Variants in SMIM7 observed in about 807,000 individuals in gnomAD.
SMIM7 encodes small integral membrane protein 7.
A neutral mutation model predicts 13.3 loss-of-function variants in SMIM7; 12 were observed. The observed-to-expected ratio is 0.90, with a 90% CI of 0.58 to 1.46. The LOEUF (loss-of-function observed/expected upper bound fraction) is 1.46, where lower values mean the gene tolerates loss of function less well. SMIM7 is among the 40% of genes most tolerant of loss of function. SMIM7 has a pLI of 0.00. For missense variants in SMIM7, 114 were observed against 94.8 expected (o/e 1.20, Z -0.84); for synonymous variants, 36 against 35.8 (o/e 1.01, Z -0.02).
downstream of SMIM7, among the ~76,000 whole-genome samples, chr19:16,641,737 T>C (rs545864173): frequency 4.9e-4 from 74 of 152,306 alleles, no homozygotes; most frequent in African/African-American, 1.7e-3. Context: ...TAGCTTGGAC[T>C]ATAAGCGTGC....
At chr19:16,643,696 C>T (rs538204343), downstream of SMIM7, among the ~76,000 whole-genome samples, 2 of 152,156 alleles carry the variant, frequency 1.3e-5, no homozygotes, top group South Asian at 4.2e-4. Context: ...CGTACCAGGC[C>T]TAAAAAATTT....
At chr19:16,655,076 T>C (rs78780600) in intron 3 of SMIM7, among the ~76,000 whole-genome samples, 12,503 of 152,140 alleles carry the variant, frequency 0.082, 770 homozygotes, top group African/African-American at 0.17. Context: ...AACCCTAATC[T>C]TGAAGGACTG....
At chr19:16,642,462 A>G (rs2086410602), downstream of SMIM7, among the ~76,000 whole-genome samples, 1 of 152,106 alleles carries the variant, frequency 6.6e-6, no homozygotes, top group Non-Finnish European at 1.5e-5. Context: ...AGGCATGAGA[A>G]TTGCTTGAAC....
intron 4 of SMIM7, among the ~76,000 whole-genome samples, chr19:16,649,744 A>G (rs776761673): frequency 5.3e-5 from 8 of 152,214 alleles, no homozygotes; most frequent in Non-Finnish European, 8.8e-5. Context: ...ACCAACTGAC[A>G]GATGGAAAAC....
intron 3 of SMIM7, 63 bp downstream of exon 3, chr19:16,659,332 T>G: frequency 7.1e-7 from 1 of 1,403,378 alleles, no homozygotes; most frequent in Non-Finnish European, 1.0e-6. Context: ...AAGGTAGGGC[T>G]TGGCGAAACA....
At chr19:16,659,149 G>T in intron 3 of SMIM7, 2 of 568,124 alleles carry the variant, frequency 3.5e-6, no homozygotes, top group Non-Finnish European at 3.2e-6. Flanking sequence ...CTGGCATGGT[G>T]GCACACACCT....
chr19:16,655,546 T>G (rs993413196), intron 3 of SMIM7, among the ~76,000 whole-genome samples: 7 of 151,700 alleles, frequency 4.6e-5, no homozygotes, highest in Non-Finnish European at 1.0e-4. Flanking sequence ...CCGGGTGTGG[T>G]GGTGCATGAC....
In SMIM7 at chr19:16,635,756, C is replaced by T. The variant is rs147207964; in HGVS notation, c.*138-4032G>A. The stretch of plus-strand genomic sequence containing the variant: ...AAATTTAGCTGGGCCTGGTGGCAGG[C>T]GCCTGTAATCCCAGCTACTTGGGAA... On this transcript the variant is annotated intron_variant and NMD_transcript_variant, in intron 4 of 4. Coordinates refer to the SMIM7 transcript ENST00000465250. 2.0e-3 allele frequency among the ~76,000 whole-genome samples: 305 copies of T among 149,822 alleles called. 6 individuals are homozygous for T. The East Asian group carries it at 0.048, about 23-fold the overall frequency.
chr19:16,639,354 C>G (rs1007130863), intron 4 of SMIM7, among the ~76,000 whole-genome samples: 8 of 152,072 alleles, frequency 5.3e-5, no homozygotes, highest in African/African-American at 1.7e-4. Context: ...GATCTCCTGA[C>G]CTCATGATCT....
intron 4 of SMIM7, among the ~76,000 whole-genome samples, chr19:16,639,502 AGCTTT>A (rs2086389455): frequency 6.6e-6 from 1 of 152,234 alleles, no homozygotes; most frequent in African/African-American, 2.4e-5. Context: ...AAATAGGTTC[AGCTTT>A]GCAGGCTGAA....
intron 4 of SMIM7, among the ~76,000 whole-genome samples, chr19:16,632,036 A>G (rs990455139): frequency 1.5e-4 from 22 of 151,620 alleles, no homozygotes; most frequent in African/African-American, 5.3e-4. Context: ...CACCCAGCTA[A>G]TTTTTGTATT....
At chr19:16,642,293 C>T (rs556728617), downstream of SMIM7, among the ~76,000 whole-genome samples, 1 of 152,216 alleles carries the variant, frequency 6.6e-6, no homozygotes, top group East Asian at 1.9e-4. Context: ...CACGGTGGCT[C>T]ATGCCTGTAA....
intron 3 of SMIM7, among the ~76,000 whole-genome samples, chr19:16,655,807 T>G (rs1001602616): frequency 1.3e-5 from 2 of 152,048 alleles, no homozygotes; most frequent in South Asian, 4.2e-4. Flanking sequence ...CCCAGAAATT[T>G]CTACTTTTTC....
chr19:16,655,453 G>A, intron 3 of SMIM7: 1 of 453,824 alleles, frequency 2.2e-6, no homozygotes, highest in Admixed American at 2.4e-5. Flanking sequence ...GGCCGAGGCA[G>A]GCAGATTACC....
At chr19:16,644,828 T>C (rs1417767751), downstream of SMIM7, 1 of 152,204 alleles carries the variant, frequency 6.6e-6, no homozygotes, top group Non-Finnish European at 1.5e-5. Flanking sequence ...ACGGTGATGA[T>C]ACCCACAGCA....
intron 4 of SMIM7, among the ~76,000 whole-genome samples, chr19:16,651,906 C>T (rs1000598728): frequency 7.1e-6 from 1 of 141,076 alleles, no homozygotes; most frequent in Non-Finnish European, 1.5e-5. Context: ...TTTGCAAAGA[C>T]GAGAATGAGA....
At chr19:16,636,996 A>G (rs2086365462) in intron 4 of SMIM7, among the ~76,000 whole-genome samples, 1 of 152,176 alleles carries the variant, frequency 6.6e-6, no homozygotes, top group South Asian at 2.1e-4. Context: ...GAAAAAGTGG[A>G]TCATTCGGTC....
exon 5 of SMIM7, chr19:16,631,131 T>C (rs2086318737): frequency 6.6e-6 from 1 of 152,164 alleles, no homozygotes; most frequent in Non-Finnish European, 1.5e-5. Flanking sequence ...ACATCTATAA[T>C]CCCAGCACTT....
intron 2 of SMIM7, 81 bp downstream of exon 2, chr19:16,659,878 G>T: frequency 1.3e-6 from 2 of 1,526,786 alleles, no homozygotes; most frequent in Non-Finnish European, 8.8e-7. Flanking sequence ...CGGGGCCTGA[G>T]AAGTGCGCCG....
Sources: allele counts gnomAD v4.1 joint callset (sites outside exome capture counted in the v4.1 genomes callset), GRCh38; gene constraint gnomAD v4.1.1; transcripts MANE v1.5; gene names NCBI Gene and HGNC (gene_info 2026-07-23, HGNC 2026-07-21).